The following WDR72 variants were observed in gnomAD, a reference collection of about 807,000 sequenced individuals.
WDR72 encodes the protein WD repeat-containing protein 72.
Under a neutral mutation model 124.2 loss-of-function variants are expected in WDR72, and 120 were observed. The ratio of observed to expected loss-of-function variants is 0.97; its 90% confidence interval spans 0.83 to 1.12. The LOEUF (loss-of-function observed/expected upper bound fraction) is 1.12. Ranked by LOEUF, WDR72 falls within the 50% of genes most tolerant of loss-of-function variation. The probability of loss-of-function intolerance (pLI) is 0.00; values close to 1 mark genes in which losing one functional copy is unlikely to be tolerated. For synonymous variants in WDR72, 452 were observed against 441.7 expected, an observed-to-expected ratio of 1.02 and a Z score of -0.29; for missense variants, 1,387 against 1,278.8, an observed-to-expected ratio of 1.08 and a Z score of -1.29.
At chr15:53,727,911 T>C (rs2018088682) in intron 2 of WDR72, among the ~76,000 whole-genome samples, 1 of 152,192 alleles carries the variant, frequency 6.6e-6, no homozygotes, top group Non-Finnish European at 1.5e-5. Context: ...ACTGTCATGA[T>C]GAAATCTGCA....
At chr15:53,643,834 A>T (rs1305439623) in intron 14 of WDR72, among the ~76,000 whole-genome samples, 1 of 152,178 alleles carries the variant, frequency 6.6e-6, no homozygotes, top group African/African-American at 2.4e-5. Flanking sequence ...GTCACAAAAA[A>T]AAATGAAAGA....
intron 1 of WDR72, among the ~76,000 whole-genome samples, chr15:53,740,334 G>GTCTC (rs902255858): frequency 6.9e-6 from 1 of 144,428 alleles, no homozygotes; most frequent in African/African-American, 2.6e-5. Flanking sequence ...TTGAGACGGA[G>GTCTC]TCTCTCTCTG....
chr15:53,689,858 C>T lies in WDR72; in HGVS notation c.1765+9892G>A, dbSNP rs534520306. On this transcript the variant is annotated intron_variant, in intron 13 of 19. Coordinates refer to ENST00000360509, the MANE Select transcript of WDR72 (RefSeq NM_182758.4). ...TAGACTGGATTAAGAAAATGTTGCA[C>T]GTATACACCATGGAATACTATGCAG... Among the ~76,000 whole-genome samples, 407 of 151,872 alleles carry T rather than the reference C, an allele frequency of 2.7e-3. 3 individuals are homozygous for T. In the South Asian group the frequency reaches 0.028, roughly 10 times the overall value.
intron 18 of WDR72, among the ~76,000 whole-genome samples, chr15:53,562,794 T>C (rs901193188): frequency 6.6e-6 from 1 of 151,782 alleles, no homozygotes; most frequent in Non-Finnish European, 1.5e-5. Context: ...AAGTTATAAT[T>C]AGACTTGGTA....
At chr15:53,521,304 T>C (rs1034244318) in intron 19 of WDR72, among the ~76,000 whole-genome samples, 6 of 152,088 alleles carry the variant, frequency 3.9e-5, no homozygotes, top group Non-Finnish European at 8.8e-5. Flanking sequence ...CATTTACTCC[T>C]GGCCACGGAT....
intron 18 of WDR72, among the ~76,000 whole-genome samples, chr15:53,526,861 G>T (rs1244809740): frequency 6.6e-6 from 1 of 151,964 alleles, no homozygotes; most frequent in East Asian, 1.9e-4. Context: ...CACATTTGAA[G>T]GTAAGGGGCA....
chr15:53,675,127 G>A (rs1442482200), intron 13 of WDR72, among the ~76,000 whole-genome samples: 3 of 152,062 alleles, frequency 2.0e-5, no homozygotes, highest in African/African-American at 4.8e-5. Context: ...GGCGGATCAC[G>A]AGGTCAGGAG....
chr15:53,758,745 T>C (rs1313565287), intron 1 of WDR72, among the ~76,000 whole-genome samples: 2 of 105,316 alleles, frequency 1.9e-5, no homozygotes, highest in East Asian at 6.6e-4. Flanking sequence ...TCGGTGACCT[T>C]GAAGTCATTT....
At chr15:53,535,174 A>G (rs1218378136) in intron 18 of WDR72, among the ~76,000 whole-genome samples, 1 of 152,208 alleles carries the variant, frequency 6.6e-6, no homozygotes, top group African/African-American at 2.4e-5. Flanking sequence ...TACATAATAG[A>G]ACCATTTACA....
At chr15:53,578,369 G>A (rs1209032293) in intron 18 of WDR72, among the ~76,000 whole-genome samples, 2 of 152,126 alleles carry the variant, frequency 1.3e-5, no homozygotes, top group African/African-American at 4.8e-5. Context: ...GCAATAGTGG[G>A]AAAGGGGAAA....
At chr15:53,672,544 G>A (rs908954328) in intron 13 of WDR72, among the ~76,000 whole-genome samples, 3 of 152,130 alleles carry the variant, frequency 2.0e-5, no homozygotes, top group African/African-American at 7.2e-5. Context: ...ACTTTGTGAT[G>A]TACCGGTTAT....
chr15:53,705,241 GA>G lies in WDR72; in HGVS notation c.1103-9del, dbSNP rs754193973. Reference sequence around the variant, plus strand: ...TGGCAGTTACTGGTATCTCTAAAAAGAAAACAGACATAAAAAGAAAATTTGG... The same window carrying G: ...TGGCAGTTACTGGTATCTCTAAAAAGAAACAGACATAAAAAGAAAATTTGG... On this transcript the variant is annotated splice_polypyrimidine_tract_variant and intron_variant, in intron 10 of 19. Transcript: ENST00000360509. 23 of 1,611,610 alleles carry G rather than the reference GA, an allele frequency of 1.4e-5. No homozygotes were observed. The African/African-American group carries it at 1.9e-4, about 13-fold the overall frequency.
chr15:53,730,230 C>G (rs1278766571), intron 2 of WDR72, among the ~76,000 whole-genome samples: 1 of 152,056 alleles, frequency 6.6e-6, no homozygotes, highest in African/African-American at 2.4e-5. Context: ...CATGAATGAA[C>G]CTTGAAGACA....
At chr15:53,755,838 A>T (rs1223313691) in intron 1 of WDR72, among the ~76,000 whole-genome samples, 2 of 152,234 alleles carry the variant, frequency 1.3e-5, no homozygotes, top group Non-Finnish European at 2.9e-5. Context: ...TGAAACATTC[A>T]GCTGGTAATT....
chr15:53,692,578 T>A (rs1159673544), intron 13 of WDR72, among the ~76,000 whole-genome samples: 2 of 152,210 alleles, frequency 1.3e-5, no homozygotes, highest in Non-Finnish European at 2.9e-5. Context: ...CCAGGGCTCA[T>A]GTACATAACT....
At chr15:53,616,324 T>TA (rs2013766859) in intron 14 of WDR72, 81 bp from the exon 15 acceptor site, 2 of 1,210,634 alleles carry the variant, frequency 1.7e-6, no homozygotes, top group Non-Finnish European at 2.4e-6. Flanking sequence ...GTGGCATTTT[T>TA]AAAAAGTATT....
Position 53,712,836 on chromosome 15 carries a change from T to C in WDR72, c.647A>G (p.Gln216Arg), listed in dbSNP as rs755270622. Residue 216 changes from glutamine to arginine, a missense_variant, in exon 7 of 20, where the codon CAG becomes CGG. Gln to Arg is a conservative substitution (Grantham distance 43). Transcript: ENST00000360509. ...ESKFLESLNC[Q>R]TIRFCTYTER... The stretch of plus-strand genomic sequence containing the variant: ...AGTATATGTGCAAAATCGAATTGTC[T>C]GGCAGTTCAAGGACTCAAGAAACTT... The C allele has an allele frequency of 6.2e-7, 1 of 1,613,924 alleles. No individual in the cohort carries two copies. The highest frequency in any genetic ancestry group is 8.5e-7 in the Non-Finnish European group (1 of 1,179,896).
intron 14 of WDR72, among the ~76,000 whole-genome samples, chr15:53,621,663 G>A (rs1422652896): frequency 6.6e-6 from 1 of 151,852 alleles, no homozygotes; most frequent in Non-Finnish European, 1.5e-5. Flanking sequence ...AGGGGATGAC[G>A]AATAAAAGAC....
chr15:53,599,057 G>A (rs1039708568), intron 17 of WDR72, among the ~76,000 whole-genome samples: 3 of 152,004 alleles, frequency 2.0e-5, no homozygotes, highest in Non-Finnish European at 2.9e-5. Flanking sequence ...CCAGGAGGCA[G>A]AGGATGCAGT....
Sources: allele counts gnomAD v4.1 joint callset (sites outside exome capture counted in the v4.1 genomes callset), GRCh38; gene constraint gnomAD v4.1.1; transcripts MANE v1.5; gene names NCBI Gene and HGNC (gene_info 2026-07-23, HGNC 2026-07-21).